The following NKAIN3 variants were observed in gnomAD, a reference collection of about 807,000 sequenced individuals.
The protein encoded by NKAIN3 is sodium/potassium transporting ATPase interacting 3.
NKAIN3 carries 25 observed loss-of-function variants against 30.2 expected under a neutral mutation model. The observed-to-expected ratio is 0.83, with a 90% CI of 0.60 to 1.16. The LOEUF (loss-of-function observed/expected upper bound fraction) is 1.16, where lower values mean the gene tolerates loss of function less well. Among genes scored for constraint, NKAIN3 ranks in the 50% most tolerant of loss-of-function variants. The pLI, the probability that NKAIN3 is intolerant of heterozygous loss-of-function variation, is 0.00. For synonymous variants in NKAIN3, 91 were observed against 89.6 expected (o/e 1.02, Z -0.09); for missense variants, 225 against 254.1 (o/e 0.89, Z 0.78).
intron 4 of NKAIN3, among the ~76,000 whole-genome samples, chr8:62,916,837 C>A (rs1221395448): frequency 6.6e-6 from 1 of 152,078 alleles, no homozygotes. Flanking sequence ...GTTAGCATGA[C>A]GGGTTCCATT....
chr8:62,381,246 C>G (rs187072531), intron 1 of NKAIN3, among the ~76,000 whole-genome samples: 2 of 151,822 alleles, frequency 1.3e-5, no homozygotes, highest in African/African-American at 4.8e-5. Flanking sequence ...AAATTTTTAC[C>G]TGTTTTTTCT....
At chr8:62,821,987 G>A (rs1380587099) in intron 4 of NKAIN3, among the ~76,000 whole-genome samples, 1 of 151,946 alleles carries the variant, frequency 6.6e-6, no homozygotes, top group African/African-American at 2.4e-5. Flanking sequence ...AGCCTTTATA[G>A]AGGGTGATGG....
intron 4 of NKAIN3, among the ~76,000 whole-genome samples, chr8:62,822,698 AG>A (rs1818885596): frequency 6.6e-6 from 1 of 152,152 alleles, no homozygotes; most frequent in Non-Finnish European, 1.5e-5. Flanking sequence ...GAGGAGTCCT[AG>A]GAGCAGTCCT....
At chr8:62,266,836 A>G (rs573918724) in intron 1 of NKAIN3, among the ~76,000 whole-genome samples, 4 of 152,334 alleles carry the variant, frequency 2.6e-5, no homozygotes, top group African/African-American at 9.6e-5. Context: ...TGTCTGCACA[A>G]TCCACCCTTT....
chr8:62,586,110 C>T (rs776039413), intron 2 of NKAIN3, among the ~76,000 whole-genome samples: 6 of 152,136 alleles, frequency 3.9e-5, no homozygotes, highest in South Asian at 2.1e-4. Flanking sequence ...TTGAAAAGTC[C>T]GCAATTTAGT....
intron 4 of NKAIN3, among the ~76,000 whole-genome samples, chr8:62,750,492 T>G (rs1430750568): frequency 1.3e-5 from 2 of 152,158 alleles, no homozygotes; most frequent in African/African-American, 4.8e-5. Flanking sequence ...CTTACCAGGC[T>G]GTTGCTTGGG....
At position 62,798,907 on chromosome 8, in the gene NKAIN3, T is replaced by G. The variant is rs575205306; in HGVS notation, c.471+51778T>G. Among the ~76,000 whole-genome samples, 6 of 152,244 alleles carry G rather than the reference T, an allele frequency of 3.9e-5. No homozygotes were observed. The South Asian group carries it at 1.2e-3, about 32-fold the overall frequency. On this transcript the variant is annotated intron_variant, in intron 4 of 6. Transcript: ENST00000623646. ...GCAGTGTCCTAACCACTAATTAGGA[T>G]GGAAGAACTGGACTATAATGCCTTT...
intron 5 of NKAIN3, among the ~76,000 whole-genome samples, chr8:62,941,154 G>C (rs1822944171): frequency 3.3e-5 from 5 of 151,952 alleles, no homozygotes; most frequent in Non-Finnish European, 7.4e-5. Flanking sequence ...ACCTAGAGAA[G>C]ACGGATAAAT....
At chr8:62,659,258 G>T (rs1311400131) in intron 3 of NKAIN3, among the ~76,000 whole-genome samples, 1 of 152,212 alleles carries the variant, frequency 6.6e-6, no homozygotes, top group Non-Finnish European at 1.5e-5. Context: ...CCCAAAAGTG[G>T]TAGTGACCTG....
At chr8:62,419,796 A>G (rs538932810) in intron 1 of NKAIN3, among the ~76,000 whole-genome samples, 1 of 152,272 alleles carries the variant, frequency 6.6e-6, no homozygotes, top group East Asian at 1.9e-4. Context: ...TCTCCAATGG[A>G]TATTAATATG....
chr8:62,513,515 G>C (rs1002402983), intron 1 of NKAIN3, among the ~76,000 whole-genome samples: 3 of 152,110 alleles, frequency 2.0e-5, no homozygotes, highest in Admixed American at 6.6e-5. Flanking sequence ...CAATCAGATA[G>C]ATGAGTAGGC....
At chr8:62,391,159 G>T (rs570833022) in intron 1 of NKAIN3, among the ~76,000 whole-genome samples, 7 of 152,216 alleles carry the variant, frequency 4.6e-5, no homozygotes, top group Middle Eastern at 3.4e-3. Flanking sequence ...ATTGAAACTA[G>T]ATTTCTTCCT....
chr8:62,837,448 A>G (rs1819400815), intron 4 of NKAIN3, among the ~76,000 whole-genome samples: 1 of 152,158 alleles, frequency 6.6e-6, no homozygotes, highest in African/African-American at 2.4e-5. Flanking sequence ...AAATTCCAGT[A>G]AGGTTTTAGA....
At chr8:62,896,534 G>A (rs980924704) in intron 4 of NKAIN3, among the ~76,000 whole-genome samples, 8 of 152,062 alleles carry the variant, frequency 5.3e-5, no homozygotes, top group South Asian at 2.1e-4. Context: ...AGCCTTGAGC[G>A]TCCCTGATGG....
At chr8:62,678,407 A>G (rs1813544773) in intron 3 of NKAIN3, among the ~76,000 whole-genome samples, 1 of 152,170 alleles carries the variant, frequency 6.6e-6, no homozygotes, top group Non-Finnish European at 1.5e-5. Flanking sequence ...AATCTTCGAA[A>G]TAGATGAGTA....
At chr8:62,504,741 G>C (rs893072879) in intron 1 of NKAIN3, among the ~76,000 whole-genome samples, 1 of 152,110 alleles carries the variant, frequency 6.6e-6, no homozygotes. Flanking sequence ...GCTCTGTGTT[G>C]CCTATAGCAC....
At chr8:62,532,474 A>G (rs1334294886) in intron 1 of NKAIN3, among the ~76,000 whole-genome samples, 1 of 152,226 alleles carries the variant, frequency 6.6e-6, no homozygotes, top group African/African-American at 2.4e-5. Flanking sequence ...ACATGATGCT[A>G]TAATTATCCA....
At position 62,979,546 on chromosome 8, in the gene NKAIN3, T is replaced by A. The variant is rs1205656838; in HGVS notation, c.*14139T>A. ...AATGGTAAATTATTATTTTGGGGAG[T>A]GAAAGCTAAAAGAAATAATATGTCT... On this transcript the variant is annotated 3_prime_UTR_variant, in exon 7 of 7. Transcript: ENST00000623646. 1 of 152,060 alleles carries A rather than the reference T, an allele frequency of 6.6e-6. No homozygotes were observed. Among genetic ancestry groups the A allele is most frequent in the East Asian group, 1.9e-4 (1 of 5,174 alleles). The allele number at this position is 152,060 out of a possible 1,614,324, so 9.4% of individuals were successfully genotyped here.
At chr8:62,797,598 C>A (rs565511029) in intron 4 of NKAIN3, among the ~76,000 whole-genome samples, 3 of 152,058 alleles carry the variant, frequency 2.0e-5, no homozygotes, top group Non-Finnish European at 2.9e-5. Context: ...ATATGGTAGA[C>A]TTTCAATAAA....
Sources: allele counts gnomAD v4.1 joint callset (sites outside exome capture counted in the v4.1 genomes callset), GRCh38; gene constraint gnomAD v4.1.1; transcripts MANE v1.5; gene names NCBI Gene and HGNC (gene_info 2026-07-23, HGNC 2026-07-21).